MATCAP2: variants seen among roughly 807,000 people sequenced by gnomAD.
MATCAP2 encodes the protein putative tyrosine carboxypeptidase MATCAP2.
the MATCAP2 span, chr7:36,355,909 G>A: frequency 8.5e-5 from 13 of 152,200 alleles, no homozygotes; most frequent in African/African-American, 3.1e-4. Flanking sequence ...ATGAGGTTCT[G>A]AAATGTATTA....
the MATCAP2 span, chr7:36,336,313 A>C: frequency 6.7e-7 from 1 of 1,488,438 alleles, no homozygotes; most frequent in Non-Finnish European, 9.0e-7. Context: ...AAAGAAAGAG[A>C]GATAATGAAA....
the MATCAP2 span, among the ~76,000 whole-genome samples, chr7:36,349,107 A>AG: frequency 6.6e-6 from 1 of 152,272 alleles, no homozygotes; most frequent in African/African-American, 2.4e-5. Flanking sequence ...CCTTGGTATA[A>AG]GGCCTTGCAG....
the MATCAP2 span, chr7:36,366,781 C>G: frequency 3.9e-6 from 6 of 1,534,590 alleles, no homozygotes; most frequent in South Asian, 6.0e-5. Flanking sequence ...CTCCTGCGCG[C>G]CCCGAAGGGG....
chr7:36,390,316 C>G, the MATCAP2 span: 1 of 527,040 alleles, frequency 1.9e-6, no homozygotes, highest in East Asian at 3.1e-5. Context: ...TTTCAGCCCC[C>G]GTTTTTACCA....
the MATCAP2 span, among the ~76,000 whole-genome samples, chr7:36,332,693 C>T: frequency 5.9e-5 from 9 of 152,148 alleles, no homozygotes; most frequent in East Asian, 7.7e-4. Context: ...TTTGGGAGGC[C>T]GAGGCGGTTG....
At chr7:36,364,091 C>CT in the MATCAP2 span, among the ~76,000 whole-genome samples, 6,832 of 40,602 alleles carry the variant, frequency 0.17, 255 homozygotes, top group African/African-American at 0.32. Flanking sequence ...TCTTCTTCTT[C>CT]TTTTTTTTTT....
the MATCAP2 span, among the ~76,000 whole-genome samples, chr7:36,380,065 C>A: frequency 6.6e-6 from 1 of 152,082 alleles, no homozygotes; most frequent in African/African-American, 2.4e-5. Context: ...TGGATGATGA[C>A]CTCACTTTGG....
At chr7:36,333,524 T>C in the MATCAP2 span, among the ~76,000 whole-genome samples, 5 of 151,774 alleles carry the variant, frequency 3.3e-5, no homozygotes, top group African/African-American at 1.2e-4. Context: ...GTGAATTATA[T>C]CTCAGTATAG....
At chr7:36,357,381 A>C in the MATCAP2 span, 1 of 1,614,100 alleles carries the variant, frequency 6.2e-7, no homozygotes, top group Non-Finnish European at 8.5e-7. Context: ...CTTTTGGAGT[A>C]GGTGGAGGAA....
chr7:36,373,380 C>T, the MATCAP2 span, among the ~76,000 whole-genome samples: 1 of 152,118 alleles, frequency 6.6e-6, no homozygotes, highest in South Asian at 2.1e-4. Context: ...TGAGCTAAGA[C>T]TTGAAGAACA....
At chr7:36,334,118 C>T in the MATCAP2 span, 2 of 1,613,936 alleles carry the variant, frequency 1.2e-6, no homozygotes, top group Non-Finnish European at 1.7e-6. Context: ...TCCAACTGTT[C>T]CATGGCTGCT....
At chr7:36,372,805 T>C in the MATCAP2 span, among the ~76,000 whole-genome samples, 3 of 152,296 alleles carry the variant, frequency 2.0e-5, no homozygotes, top group East Asian at 5.8e-4. Context: ...GGTATGTACA[T>C]ACATATGTAA....
the MATCAP2 span, chr7:36,356,719 T>C: frequency 1.6e-6 from 1 of 619,156 alleles, no homozygotes; most frequent in Non-Finnish European, 2.9e-6. Context: ...TTTTGATGAA[T>C]GCAATGGAGT....
At chr7:36,390,240 G>A in the MATCAP2 span, 1 of 824,650 alleles carries the variant, frequency 1.2e-6, no homozygotes. Flanking sequence ...TTGTTGTTTC[G>A]GTCCTACAGA....
the MATCAP2 span, chr7:36,357,610 C>A: frequency 1.3e-6 from 2 of 1,546,876 alleles, no homozygotes; most frequent in South Asian, 1.2e-5. Flanking sequence ...TAAACAAAAT[C>A]AAAACAAAAG....
At chr7:36,349,291 C>T in the MATCAP2 span, among the ~76,000 whole-genome samples, 1 of 152,078 alleles carries the variant, frequency 6.6e-6, no homozygotes, top group Non-Finnish European at 1.5e-5. Flanking sequence ...TTTTCTGTAA[C>T]GTGAACTGCA....
chr7:36,379,610 A>G, the MATCAP2 span, among the ~76,000 whole-genome samples: 2 of 152,164 alleles, frequency 1.3e-5, no homozygotes, highest in South Asian at 2.1e-4. Context: ...AAATATATAT[A>G]TGTGAATATG....
the MATCAP2 span, among the ~76,000 whole-genome samples, chr7:36,340,023 C>T: frequency 1.3e-4 from 19 of 151,982 alleles, no homozygotes; most frequent in Non-Finnish European, 2.2e-4. Flanking sequence ...CCATCATGCC[C>T]GGCTAATTTT....
chr7:36,356,841 G>T, the MATCAP2 span: 2 of 1,334,304 alleles, frequency 1.5e-6, no homozygotes, highest in Non-Finnish European at 2.2e-6. Context: ...TTGCTTATAA[G>T]ATCACAGATA....
Sources: allele counts gnomAD v4.1 joint callset (sites outside exome capture counted in the v4.1 genomes callset), GRCh38; gene constraint gnomAD v4.1.1; transcripts MANE v1.5; gene names NCBI Gene and HGNC (gene_info 2026-07-23, HGNC 2026-07-21).